The following KIAA1549 variants were observed in gnomAD, a reference collection of about 807,000 sequenced individuals.
KIAA1549 encodes the protein KIAA1549.
In KIAA1549, 70 loss-of-function variants were observed where a neutral mutation model predicts 156.4. That is an observed-to-expected ratio of 0.45 (90% CI 0.37 to 0.55). The LOEUF (loss-of-function observed/expected upper bound fraction) is 0.55, where lower values mean the gene tolerates loss of function less well. KIAA1549 is among the 20% of genes least tolerant of loss of function. The pLI is 0.00. For missense variants in KIAA1549, 2,428 were observed against 2,540.9 expected, an observed-to-expected ratio of 0.96 and a Z score of 0.96; for synonymous variants, 1,103 against 1,066.4, an observed-to-expected ratio of 1.03 and a Z score of -0.67.
In KIAA1549 at chr7:138,918,987, C is replaced by T. The variant is rs1165743046; in HGVS notation, c.639G>A (p.Gln213=). Residue 213 remains glutamine (Q), a synonymous_variant, in exon 2 of 20, where the codon CAG becomes CAA. Transcript: ENST00000422774. The surrounding 1 kb of genome is among the most constrained non-coding windows in gnomAD (Gnocchi z 4.2). ...ATGCCGCTGGTTGTCGCGTTGTGTTCTGCCAGCCCGATGTCACTTCTTCAT... is the reference window on the plus strand; with the variant it reads ...ATGCCGCTGGTTGTCGCGTTGTGTTTTGCCAGCCCGATGTCACTTCTTCAT... ...LQDEEVTSGW[Q]NTTRQPAAYA... 6.2e-7 allele frequency: 1 copy of T among 1,614,008 alleles called. No individual in the cohort carries two copies.
chr7:138,947,036 G>T (rs982357522), intron 1 of KIAA1549, among the ~76,000 whole-genome samples: 1 of 152,012 alleles, frequency 6.6e-6, no homozygotes, highest in Non-Finnish European at 1.5e-5. Context: ...CATTCACTGG[G>T]ATTTTATCTA....
intron 1 of KIAA1549, among the ~76,000 whole-genome samples, chr7:138,945,314 G>A (rs1007834486): frequency 4.6e-5 from 7 of 152,162 alleles, no homozygotes; most frequent in Admixed American, 2.6e-4. Flanking sequence ...ATCTCATCCC[G>A]TCCTTCCAGG....
intron 12 of KIAA1549, among the ~76,000 whole-genome samples, chr7:138,875,509 G>A (rs750353837): frequency 1.3e-5 from 2 of 152,104 alleles, no homozygotes; most frequent in Admixed American, 6.6e-5. Context: ...TTAGCTGGGC[G>A]TGGTATGCTC....
At chr7:138,866,088 G>A (rs1051356340) in intron 15 of KIAA1549, among the ~76,000 whole-genome samples, 1 of 152,140 alleles carries the variant, frequency 6.6e-6, no homozygotes, top group African/African-American at 2.4e-5. Flanking sequence ...ACCACCTACT[G>A]TAAGAGCAGC....
chr7:138,977,655 A>AACACACAC (rs10625706), intron 1 of KIAA1549, among the ~76,000 whole-genome samples: 7,575 of 146,830 alleles, frequency 0.052, 242 homozygotes, highest in African/African-American at 0.078. Context: ...TACTCAAGAA[A>AACACACAC]ACACACACAC....
At chr7:138,880,200 G>A (rs1811202728) in intron 11 of KIAA1549, among the ~76,000 whole-genome samples, 1 of 152,178 alleles carries the variant, frequency 6.6e-6, no homozygotes, top group Non-Finnish European at 1.5e-5. Context: ...TGGCTCCCTG[G>A]CTTCAATGAC....
At chr7:138,856,780 T>C (rs1037036355) in intron 16 of KIAA1549, among the ~76,000 whole-genome samples, 11 of 152,202 alleles carry the variant, frequency 7.2e-5, no homozygotes, top group South Asian at 2.1e-4. Context: ...ATTTTATGTA[T>C]CAACCTGACT....
Position 138,837,181 on chromosome 7 carries a change from AT to A in KIAA1549, c.*724del, listed in dbSNP as rs112222953. 1.1e-3 allele frequency: 237 copies of A among 218,532 alleles called. No homozygotes were observed. The highest frequency in any genetic ancestry group is 1.3e-3 in the African/African-American group (58 of 44,188). The allele number at this position is 218,532 out of a possible 1,614,324, so 13.5% of individuals were successfully genotyped here. A position where few individuals can be genotyped will look rare whatever the true frequency, so the allele number is the denominator to read the frequency against. On this transcript the variant is annotated 3_prime_UTR_variant, in exon 20 of 20. Coordinates refer to ENST00000422774, the MANE Select transcript of KIAA1549 (RefSeq NM_001164665.2). The stretch of plus-strand genomic sequence containing the variant: ...AGCTTTTTGCCCCACTTTGGGAGGG[AT>A]TTTTTTTTTCTAGAACAAAATGAAA...
At chr7:138,955,733 G>A (rs1292760146) in intron 1 of KIAA1549, among the ~76,000 whole-genome samples, 2 of 152,192 alleles carry the variant, frequency 1.3e-5, no homozygotes, top group Non-Finnish European at 2.9e-5. Context: ...AATAGTTATT[G>A]TTAGGTGGCA....
chr7:138,877,862 G>GTT (rs1218348043), intron 12 of KIAA1549, among the ~76,000 whole-genome samples: 1 of 152,172 alleles, frequency 6.6e-6, no homozygotes, highest in East Asian at 1.9e-4. Flanking sequence ...TGAGAGTGGT[G>GTT]TTTGATTTTT....
chr7:138,960,154 G>A (rs960689854), intron 1 of KIAA1549, among the ~76,000 whole-genome samples: 1 of 152,012 alleles, frequency 6.6e-6, no homozygotes. Context: ...ATATACATGA[G>A]GCTGGGCATG....
In KIAA1549 at chr7:138,917,439, A is replaced by G; in HGVS notation, c.2187T>C (p.Phe729=). 1 of 1,614,006 alleles carries G rather than the reference A, an allele frequency of 6.2e-7. No individual in the cohort carries two copies. The highest frequency in any genetic ancestry group is 8.5e-7 in the Non-Finnish European group (1 of 1,179,894). The change falls in exon 2 of 20, where the codon TTT becomes TTC. Residue 729 remains phenylalanine (F), a synonymous_variant. Transcript: ENST00000422774. ...WSSFPSDSLE[F]VEASTVSLTD... ...TCAGTGAAACCGTAGACGCTTCAAC[A>G]AACTCGAGAGAATCAGAAGGGAAGC...
At chr7:138,861,797 G>A (rs10954632) in intron 15 of KIAA1549, among the ~76,000 whole-genome samples, 69,052 of 151,866 alleles carry the variant, frequency 0.45, 18,013 homozygotes, top group African/African-American at 0.72. Flanking sequence ...CTTGAGCCCA[G>A]GAATTTGAGC....
At chr7:138,853,983 G>T (rs760699050) in intron 16 of KIAA1549, among the ~76,000 whole-genome samples, 14 of 152,106 alleles carry the variant, frequency 9.2e-5, no homozygotes, top group Non-Finnish European at 2.1e-4. Context: ...ATTATCTGTT[G>T]TATCTTTGTA....
At chr7:138,891,471 A>G (rs1343779655) in intron 10 of KIAA1549, among the ~76,000 whole-genome samples, 1 of 152,244 alleles carries the variant, frequency 6.6e-6, no homozygotes, top group African/African-American at 2.4e-5. Flanking sequence ...GAGTCTACAG[A>G]TAGAGAATAC....
At chr7:138,884,159 T>C (rs1811325565) in intron 10 of KIAA1549, among the ~76,000 whole-genome samples, 1 of 152,056 alleles carries the variant, frequency 6.6e-6, no homozygotes, top group Non-Finnish European at 1.5e-5. Context: ...AAGGGCAGGG[T>C]CCAGGGAGCT....
intron 19 of KIAA1549, among the ~76,000 whole-genome samples, chr7:138,838,886 C>T (rs1406092813): frequency 1.3e-5 from 2 of 152,100 alleles, no homozygotes; most frequent in Non-Finnish European, 2.9e-5. Flanking sequence ...CACACCATGC[C>T]AGGCACGGTG....
rs1313463768 is a variant in KIAA1549 at position 138,831,514 on chromosome 7, A to T, written c.*6392T>A. Reference sequence around the variant, plus strand: ...TCTACAGCACATTAGAAAACAGTGCAGCTATTGAAGGATAGAAACATAAAA... The same window carrying T: ...TCTACAGCACATTAGAAAACAGTGCTGCTATTGAAGGATAGAAACATAAAA... On this transcript the variant is annotated 3_prime_UTR_variant, in exon 20 of 20. Coordinates refer to ENST00000422774, the MANE Select transcript of KIAA1549 (RefSeq NM_001164665.2). 4 of 219,088 alleles carry T rather than the reference A, an allele frequency of 1.8e-5. No homozygotes were observed. Among genetic ancestry groups the T allele is most frequent in the Non-Finnish European group, 3.7e-5 (4 of 109,170 alleles). The allele number at this position is 219,088 out of a possible 1,614,324, so 13.6% of individuals were successfully genotyped here. A position where few individuals can be genotyped will look rare whatever the true frequency, so the allele number is the denominator to read the frequency against.
At chr7:138,854,769 T>A (rs540746571) in intron 16 of KIAA1549, among the ~76,000 whole-genome samples, 1 of 152,196 alleles carries the variant, frequency 6.6e-6, no homozygotes, top group Non-Finnish European at 1.5e-5. Flanking sequence ...CATTGAATAA[T>A]GGTGTTTATT....
Sources: gnomAD v4.1 joint callset for allele counts (sites outside exome capture counted in the v4.1 genomes callset) on GRCh38, gnomAD v4.1.1 for gene constraint, Gnocchi (gnomAD v3.1) non-coding constraint, MANE v1.5 for transcripts, NCBI Gene and HGNC (gene_info 2026-07-23, HGNC 2026-07-21) for gene names.